SUPT3H: variants seen among roughly 807,000 people sequenced by gnomAD.
SUPT3H encodes the protein transcription initiation protein SPT3 homolog.
In SUPT3H, 44 loss-of-function variants were observed where a neutral mutation model predicts 44.3. That is an observed-to-expected ratio of 0.99 (90% CI 0.78 to 1.28). The LOEUF is 1.28. Among genes scored for constraint, SUPT3H ranks in the 50% most tolerant of loss-of-function variants. SUPT3H has a pLI of 0.00. For synonymous variants in SUPT3H, 124 were observed against 125.6 expected (o/e 0.99, Z 0.09); for missense variants, 380 against 387.1 (o/e 0.98, Z 0.15).
At chr6:44,886,027 T>G (rs1169016108) in intron 10 of SUPT3H, among the ~76,000 whole-genome samples, 1 of 151,880 alleles carries the variant, frequency 6.6e-6, no homozygotes, top group Non-Finnish European at 1.5e-5. Context: ...TGATGGAAGA[T>G]GAAATGAATG....
chr6:45,142,318 G>A (rs1364664618), intron 2 of SUPT3H, among the ~76,000 whole-genome samples: 3 of 152,048 alleles, frequency 2.0e-5, no homozygotes, highest in African/African-American at 7.2e-5. Context: ...ATCTCACAGA[G>A]CCTATAAAAT....
At chr6:45,122,500 G>A (rs1801819802) in intron 2 of SUPT3H, among the ~76,000 whole-genome samples, 1 of 151,996 alleles carries the variant, frequency 6.6e-6, no homozygotes, top group Non-Finnish European at 1.5e-5. Flanking sequence ...CTATTTGCTA[G>A]CAAAACAAAA....
chr6:44,942,315 A>G (rs889346059), intron 9 of SUPT3H, among the ~76,000 whole-genome samples: 1 of 152,134 alleles, frequency 6.6e-6, no homozygotes, highest in Non-Finnish European at 1.5e-5. Flanking sequence ...AACCAAGTAT[A>G]TGAAAGCACT....
intron 10 of SUPT3H, among the ~76,000 whole-genome samples, chr6:44,869,456 G>T (rs1776005720): frequency 6.6e-6 from 1 of 151,818 alleles, no homozygotes; most frequent in Non-Finnish European, 1.5e-5. Context: ...AAACCCAGTA[G>T]GTTGAAACAG....
At chr6:45,222,496 C>A (rs907198522) in intron 2 of SUPT3H, among the ~76,000 whole-genome samples, 4 of 152,092 alleles carry the variant, frequency 2.6e-5, no homozygotes, top group African/African-American at 9.7e-5. Flanking sequence ...GAGATTATCA[C>A]TACAGGACCA....
chr6:44,902,611 G>C (rs1476968397), intron 10 of SUPT3H, among the ~76,000 whole-genome samples: 1 of 152,060 alleles, frequency 6.6e-6, no homozygotes, highest in African/African-American at 2.4e-5. Flanking sequence ...GTCAATATTA[G>C]ACACATCAAC....
intron 11 of SUPT3H, among the ~76,000 whole-genome samples, chr6:44,819,368 G>C (rs1221900661): frequency 6.6e-6 from 1 of 151,908 alleles, no homozygotes; most frequent in South Asian, 2.1e-4. Context: ...ACTGTTTTGG[G>C]TTCTTTTATT....
chr6:45,001,388 T>C (rs1329710), intron 6 of SUPT3H, among the ~76,000 whole-genome samples: 92,049 of 151,808 alleles, frequency 0.61, 28,859 homozygotes, highest in African/African-American at 0.78. Flanking sequence ...AAAATAAATG[T>C]GTAAGAGTTA....
chr6:45,115,100 T>C (rs1336811964), intron 2 of SUPT3H, among the ~76,000 whole-genome samples: 4 of 152,150 alleles, frequency 2.6e-5, no homozygotes, highest in South Asian at 2.1e-4. Flanking sequence ...TAACACCTCA[T>C]AGTCATAGAG....
At chr6:45,242,212 TA>T (rs1770483294) in intron 2 of SUPT3H, among the ~76,000 whole-genome samples, 2 of 152,314 alleles carry the variant, frequency 1.3e-5, no homozygotes, top group Admixed American at 1.3e-4. Flanking sequence ...ACCCTATGCT[TA>T]TCCAGCCTTT....
chr6:45,097,224 T>A (rs1797911723), intron 3 of SUPT3H, among the ~76,000 whole-genome samples: 1 of 152,226 alleles, frequency 6.6e-6, no homozygotes, highest in South Asian at 2.1e-4. Flanking sequence ...ATATGAGGTG[T>A]CCCTGAACAT....
intron 6 of SUPT3H, among the ~76,000 whole-genome samples, chr6:44,988,500 T>C (rs1172304160): frequency 8.5e-6 from 1 of 117,940 alleles, no homozygotes; most frequent in Non-Finnish European, 1.7e-5. Flanking sequence ...AATTACAGAC[T>C]ATGTATGAAA....
At position 45,281,448 on chromosome 6, in the gene SUPT3H, C is replaced by G. The variant is rs562703855; in HGVS notation, c.101+83753G>C. Among the ~76,000 whole-genome samples the G allele has an allele frequency of 4.6e-5, 7 of 152,308 alleles. No homozygotes were observed. In the South Asian group the frequency reaches 1.5e-3, roughly 32 times the overall value. ...AATGGCACACCAGGAGATTATATCC[C>G]GTGCCTGGCTCAGAGGGTCCTGTGC... On this transcript the variant is annotated intron_variant, in intron 2 of 10. Transcript: ENST00000371459.
downstream of SUPT3H, among the ~76,000 whole-genome samples, chr6:44,826,257 G>GA (rs1767740662): frequency 6.6e-6 from 1 of 152,150 alleles, no homozygotes; most frequent in South Asian, 2.1e-4. Flanking sequence ...TTGCTTTAAT[G>GA]AACACAATTC....
chr6:45,286,063 A>ATCCC (rs2149831437), intron 2 of SUPT3H, among the ~76,000 whole-genome samples: 1 of 147,684 alleles, frequency 6.8e-6, no homozygotes, highest in South Asian at 2.2e-4. Flanking sequence ...CTGAAACTGG[A>ATCCC]TCCCTTCCTT....
intron 1 of SUPT3H, among the ~76,000 whole-genome samples, chr6:45,372,423 TTA>T (rs1388720769): frequency 3.3e-5 from 5 of 152,226 alleles, no homozygotes; most frequent in Non-Finnish European, 5.9e-5. Flanking sequence ...TCAAAGAATG[TTA>T]TGACTAAGAG....
chr6:45,112,240 CTG>C (rs140215093), intron 2 of SUPT3H, among the ~76,000 whole-genome samples: 3,104 of 151,790 alleles, frequency 0.02, 43 homozygotes, highest in Non-Finnish European at 0.033. Context: ...ACAGAGTAAA[CTG>C]TGGGAAAATC....
intron 6 of SUPT3H, among the ~76,000 whole-genome samples, chr6:44,981,261 T>G (rs961072203): frequency 6.6e-6 from 1 of 152,148 alleles, no homozygotes. Context: ...TATAAATAAA[T>G]GAAGGATGGA....
chr6:44,945,826 G>A (rs1773254122), intron 9 of SUPT3H, among the ~76,000 whole-genome samples: 1 of 152,198 alleles, frequency 6.6e-6, no homozygotes, highest in African/African-American at 2.4e-5. Flanking sequence ...TAAGATCAAT[G>A]ATGAAGATGG....
Sources: allele counts gnomAD v4.1 joint callset (sites outside exome capture counted in the v4.1 genomes callset), GRCh38; gene constraint gnomAD v4.1.1; transcripts MANE v1.5; gene names NCBI Gene and HGNC (gene_info 2026-07-23, HGNC 2026-07-21).